The following LRRC66 variants were observed in gnomAD, a reference collection of about 807,000 sequenced individuals.
LRRC66 encodes leucine-rich repeat-containing protein 66.
In LRRC66, 29 loss-of-function variants were observed where a neutral mutation model predicts 24.6. The ratio of observed to expected loss-of-function variants is 1.18; its 90% CI spans 0.88 to 1.61. The LOEUF is 1.61. Ranked by LOEUF, LRRC66 falls within the 40% of genes most tolerant of loss-of-function variation. The pLI, the probability that LRRC66 is intolerant of heterozygous loss-of-function variation, is 0.00. For synonymous variants in LRRC66, 411 were observed against 397.6 expected (o/e 1.03, Z -0.40); for missense variants, 1,124 against 1,058.0 (o/e 1.06, Z -0.87).
At chr4:52,010,530 G>A (rs953530055) in intron 2 of LRRC66, among the ~76,000 whole-genome samples, 13 of 152,060 alleles carry the variant, frequency 8.5e-5, no homozygotes, top group Admixed American at 5.9e-4. Context: ...CCATCTTTAC[G>A]TCTGTTTGAA....
intron 3 of LRRC66, among the ~76,000 whole-genome samples, chr4:52,001,173 T>G (rs765080063): frequency 6.6e-6 from 1 of 152,158 alleles, no homozygotes; most frequent in Non-Finnish European, 1.5e-5. Context: ...ACTAAGTAAT[T>G]TCAGCTGGGA....
At chr4:52,007,449 G>A (rs1157223854) in intron 2 of LRRC66, among the ~76,000 whole-genome samples, 3 of 152,164 alleles carry the variant, frequency 2.0e-5, no homozygotes, top group Non-Finnish European at 4.4e-5. Context: ...GCCTCCCAAA[G>A]TGTTGGGATT....
At chr4:51,998,772 G>A (rs1304815041) in intron 3 of LRRC66, among the ~76,000 whole-genome samples, 1 of 152,188 alleles carries the variant, frequency 6.6e-6, no homozygotes, top group Non-Finnish European at 1.5e-5. Flanking sequence ...GTTAGGAGGA[G>A]CTTTAGCTGC....
At chr4:52,000,562 T>G (rs1736425452) in intron 3 of LRRC66, among the ~76,000 whole-genome samples, 1 of 152,204 alleles carries the variant, frequency 6.6e-6, no homozygotes, top group South Asian at 2.1e-4. Context: ...ATGATGACAT[T>G]ACAAAGAATT....
In LRRC66 at chr4:51,995,410, T is replaced by C; in HGVS notation, c.1612A>G (p.Thr538Ala). 1 of 1,614,148 alleles carries C rather than the reference T, an allele frequency of 6.2e-7. No homozygotes were observed. The highest frequency in any genetic ancestry group is 8.5e-7 in the Non-Finnish European group (1 of 1,180,044). ...TCTTCCTGGGCCACAGTTTCATAAG[T>C]CCATTCTCCGAGAATATCATTCCTA... ...IHRNDILGEW[T>A]YETVAQEEPL... Residue 538 changes from threonine to alanine, a missense_variant, in exon 5 of 5, where the codon ACT (threonine) becomes GCT (alanine). Coordinates refer to ENST00000682860, the MANE Select transcript of LRRC66 (RefSeq NM_001024611.3).
intron 4 of LRRC66, 135 bp from the exon 5 acceptor site, chr4:51,996,300 G>C: frequency 1.3e-6 from 1 of 787,940 alleles, no homozygotes; most frequent in Non-Finnish European, 2.0e-6. Flanking sequence ...AGCCTGGAGC[G>C]CAGTGGCACA....
chr4:51,996,268 A>G (rs1736315470), intron 4 of LRRC66, 103 bp from the exon 5 acceptor site: 2 of 1,184,936 alleles, frequency 1.7e-6, no homozygotes, highest in African/African-American at 3.1e-5. Context: ...ATTTTTTTGA[A>G]TTTTGAATTC....
intron 3 of LRRC66, among the ~76,000 whole-genome samples, chr4:52,001,158 C>T (rs1560558262): frequency 6.6e-6 from 1 of 152,132 alleles, no homozygotes. Context: ...CTAATCATAC[C>T]TAAAACTAAG....
chr4:52,004,749 T>C (rs1736535708), intron 2 of LRRC66, among the ~76,000 whole-genome samples: 1 of 152,220 alleles, frequency 6.6e-6, no homozygotes, highest in African/African-American at 2.4e-5. Context: ...TACAGGGAGA[T>C]GACTTAATTG....
chr4:52,012,740 T>C (rs1473694197), intron 2 of LRRC66, among the ~76,000 whole-genome samples: 1 of 152,160 alleles, frequency 6.6e-6, no homozygotes, highest in Non-Finnish European at 1.5e-5. Flanking sequence ...AAGGGAATTA[T>C]TTATTGAACT....
Position 52,017,629 on chromosome 4 carries a change from G to C in LRRC66, c.-5-11C>G. On this transcript the variant is annotated splice_polypyrimidine_tract_variant and intron_variant, in intron 1 of 4. Transcript: ENST00000682860. ...GGTTTTTCATAATGCCTGGAAAAAG[G>C]AAAATGAATTGACTTATTCACAATA... is the stretch of plus-strand genomic sequence containing the variant. 1 of 1,523,626 alleles carries C rather than the reference G, an allele frequency of 6.6e-7. No homozygotes were observed. Among genetic ancestry groups the C allele is most frequent in the Non-Finnish European group, 8.7e-7 (1 of 1,146,716 alleles). The allele number at this position is 1,523,626 out of a possible 1,614,324, so 94.4% of individuals were successfully genotyped here.
chr4:52,003,806 C>A (rs999432051), intron 2 of LRRC66, among the ~76,000 whole-genome samples: 4 of 152,164 alleles, frequency 2.6e-5, no homozygotes, highest in Non-Finnish European at 4.4e-5. Flanking sequence ...CTTTTGAATT[C>A]TTTCTTTCAA....
At chr4:52,019,375 A>T (rs374602907) in intron 1 of LRRC66, among the ~76,000 whole-genome samples, 1 of 152,140 alleles carries the variant, frequency 6.6e-6, no homozygotes, top group Non-Finnish European at 1.5e-5. Flanking sequence ...AAAAAGGAAC[A>T]TTATCTATCT....
Position 52,018,345 on chromosome 4 carries a change from A to C in LRRC66, c.-5-727T>G, listed in dbSNP as rs1412971183. 3 of 984,830 alleles carry C rather than the reference A, an allele frequency of 3.0e-6. No homozygotes were observed. In the East Asian group the frequency reaches 3.4e-4, roughly 112 times the overall value. 61.0% of individuals were successfully genotyped at this position (984,830 alleles called of 1,614,324 possible). A position where few individuals can be genotyped will look rare whatever the true frequency, so the allele number is the denominator to read the frequency against. ...AGTTTTTAAAAAGAAGTGTGTACAA[A>C]TTACAATGGCTGAATGTATCACAAA... is the stretch of plus-strand genomic sequence containing the variant. On this transcript the variant is annotated intron_variant, in intron 1 of 4. Coordinates refer to ENST00000682860, the MANE Select transcript of LRRC66 (RefSeq NM_001024611.3).
chr4:52,011,077 G>A (rs1035303127), intron 2 of LRRC66, among the ~76,000 whole-genome samples: 3 of 152,164 alleles, frequency 2.0e-5, no homozygotes, highest in Non-Finnish European at 2.9e-5. Flanking sequence ...GATTACAAAG[G>A]GGGATGAAGA....
intron 2 of LRRC66, among the ~76,000 whole-genome samples, chr4:52,008,042 T>A (rs1353108409): frequency 6.6e-6 from 1 of 152,124 alleles, no homozygotes; most frequent in Non-Finnish European, 1.5e-5. Context: ...TCTACTAGCC[T>A]CAGGTGACTG....
chr4:52,012,457 G>C (rs1246663086), intron 2 of LRRC66, among the ~76,000 whole-genome samples: 2 of 152,050 alleles, frequency 1.3e-5, no homozygotes, highest in Admixed American at 1.3e-4. Flanking sequence ...TTTTTTAAGG[G>C]AACTGGTACA....
chr4:51,995,899 G>C lies in LRRC66; in HGVS notation c.1123C>G (p.Leu375Val). 6.2e-7 allele frequency: 1 copy of C among 1,614,166 alleles called. No homozygotes were observed. Among genetic ancestry groups the C allele is most frequent in the Non-Finnish European group, 8.5e-7 (1 of 1,180,024 alleles). The change falls in exon 5 of 5, where the codon CTG (leucine) becomes GTG (valine). Residue 375 changes from leucine (L) to valine (V), a missense_variant. Physicochemically the swap from Leu to Val is conservative, Grantham distance 32. Coordinates refer to ENST00000682860, the MANE Select transcript of LRRC66 (RefSeq NM_001024611.3). Reference sequence around the variant, plus strand: ...ACTGACAGGCACACCGCCAGAGCCAGGTCCTGGGGAGCGTCCTCTTTTTTG... The same window carrying C: ...ACTGACAGGCACACCGCCAGAGCCACGTCCTGGGGAGCGTCCTCTTTTTTG... ...AGKKEDAPQDLALAVCLSVFI... is the reference protein window; with the variant it reads ...AGKKEDAPQDVALAVCLSVFI...
Position 52,017,310 on chromosome 4 carries a change from A to G in LRRC66, c.304T>C (p.Leu102=), listed in dbSNP as rs750163031. The part of the protein sequence containing the change: ...LSNNLISKIT[L]SPFAYLHALE... ...GCATGTAAATATGCAAAAGGGCTTA[A>G]GGTTATTTTTGATATGAGATTGTTA... The change falls in exon 2 of 5, where the codon TTA becomes CTA. Residue 102 remains leucine, a synonymous_variant. Transcript: ENST00000682860. 2.5e-6 allele frequency: 4 copies of G among 1,614,128 alleles called. No individual in the cohort carries two copies. The highest frequency in any genetic ancestry group is 2.5e-6 in the Non-Finnish European group (3 of 1,179,998).
Sources: allele counts gnomAD v4.1 joint callset (sites outside exome capture counted in the v4.1 genomes callset), GRCh38; gene constraint gnomAD v4.1.1; transcripts MANE v1.5; gene names NCBI Gene and HGNC (gene_info 2026-07-23, HGNC 2026-07-21).